The following AK5 variants were observed in gnomAD, a reference collection of about 807,000 sequenced individuals.
AK5 encodes the protein adenylate kinase isoenzyme 5.
AK5 carries 27 observed loss-of-function variants against 69.5 expected under a neutral mutation model. That is an observed-to-expected ratio of 0.39 (90% CI 0.29 to 0.54). The LOEUF is 0.54. AK5 is among the 20% of genes least tolerant of loss of function. The pLI is 0.71. For synonymous variants in AK5, 260 were observed against 244.4 expected, an observed-to-expected ratio of 1.06 and a Z score of -0.60; for missense variants, 531 against 700.4, an observed-to-expected ratio of 0.76 and a Z score of 2.73.
At chr1:77,381,090 T>A (rs968848693) in intron 6 of AK5, among the ~76,000 whole-genome samples, 1 of 152,220 alleles carries the variant, frequency 6.6e-6, no homozygotes, top group Non-Finnish European at 1.5e-5. Context: ...AATGTTTGTG[T>A]TCCCCCCCGA....
Position 77,535,841 on chromosome 1 carries a change from C to G in AK5, c.1429-6C>G, listed in dbSNP as rs894043510. 6.2e-7 allele frequency: 1 copy of G among 1,610,732 alleles called. No individual in the cohort carries two copies. The highest frequency in any genetic ancestry group is 1.3e-5 in the African/African-American group (1 of 74,778). ...TGACTGTGTTGTGCTCCACTCCCATCTCCAGATTGGAGACCCACAGTTGGT... is the reference window on the plus strand; with the variant it reads ...TGACTGTGTTGTGCTCCACTCCCATGTCCAGATTGGAGACCCACAGTTGGT... On this transcript the variant is annotated splice_region_variant and splice_polypyrimidine_tract_variant and intron_variant, in intron 12 of 13. Transcript: ENST00000354567.
intron 8 of AK5, among the ~76,000 whole-genome samples, chr1:77,420,634 A>G (rs866334525): frequency 6.6e-6 from 1 of 152,250 alleles, no homozygotes; most frequent in South Asian, 2.1e-4. Flanking sequence ...CTGACTTCCC[A>G]AGACCATAAA....
At chr1:77,335,670 G>A (rs1661311760) in intron 5 of AK5, among the ~76,000 whole-genome samples, 1 of 152,208 alleles carries the variant, frequency 6.6e-6, no homozygotes, top group Admixed American at 6.5e-5. Context: ...AATGTATGCA[G>A]GGGTTACAAG....
intron 10 of AK5, among the ~76,000 whole-genome samples, chr1:77,493,449 A>G (rs541754240): frequency 1.2e-4 from 19 of 152,210 alleles, no homozygotes; most frequent in African/African-American, 4.6e-4. Context: ...GAGTGAACCA[A>G]TTCTCATAAT....
At position 77,518,674 on chromosome 1, in the gene AK5, G is replaced by A. The variant is rs1458478875; in HGVS notation, c.1258G>A (p.Glu420Lys). The A allele has an allele frequency of 3.1e-6, 5 of 1,614,174 alleles. No homozygotes were observed. The highest frequency in any genetic ancestry group is 1.6e-4 in the Middle Eastern group (1 of 6,062). The change falls in exon 11 of 14, where the codon GAA becomes AAA. Residue 420 changes from glutamate (E) to lysine (K), a missense_variant. Coordinates refer to ENST00000354567, the MANE Select transcript of AK5 (RefSeq NM_174858.3). ...LLREELASES[E>K]RSKLIRDIME... is the part of the protein sequence containing the mutation. ...GCGTGAGGAACTGGCATCAGAATCT[G>A]AAAGAAGCAAATTGATCAGAGACAT...
chr1:77,526,539 G>A lies in AK5; in HGVS notation c.1428+4596G>A, dbSNP rs187296378. ...CGCCCAGGCTGGAGTGCCGTGGTGC[G>A]ATCTTGGCTCACTGCAAGCTCTGCC... On this transcript the variant is annotated intron_variant, in intron 12 of 13. Transcript: ENST00000354567. Among the ~76,000 whole-genome samples, 221 of 144,284 alleles carry A rather than the reference G, an allele frequency of 1.5e-3. 1 individual carries two copies. The highest frequency in any genetic ancestry group is 5.5e-3 in the African/African-American group (210 of 38,442). The allele number at this position is 144,284 out of a possible 152,430, so 94.7% of individuals were successfully genotyped here. A position where few individuals can be genotyped will look rare whatever the true frequency, so the allele number is the denominator to read the frequency against.
chr1:77,486,115 A>AAAAC (rs971726850), intron 9 of AK5, among the ~76,000 whole-genome samples, 193 bp from the exon 10 acceptor site: 1 of 152,162 alleles, frequency 6.6e-6, no homozygotes, highest in African/African-American at 2.4e-5. Context: ...ACCATCTCAA[A>AAAAC]AAACAAACAA....
chr1:77,500,431 C>T (rs976805569), intron 10 of AK5, among the ~76,000 whole-genome samples: 5 of 127,424 alleles, frequency 3.9e-5, no homozygotes, highest in African/African-American at 1.3e-4. Context: ...ATGTCACCAT[C>T]CTTCAAAGAA....
chr1:77,552,677 G>A (rs1259195700), intron 13 of AK5, among the ~76,000 whole-genome samples: 2 of 152,208 alleles, frequency 1.3e-5, no homozygotes, highest in Non-Finnish European at 2.9e-5. Context: ...TTATGTGAGT[G>A]TAACACTGGC....
chr1:77,531,825 C>T (rs1658616308), intron 12 of AK5, among the ~76,000 whole-genome samples: 1 of 120,844 alleles, frequency 8.3e-6, no homozygotes, highest in Non-Finnish European at 1.7e-5. Context: ...GTCGGGGAGG[C>T]TGGTGCCGCG....
chr1:77,300,136 G>T (rs1018142464), intron 5 of AK5, among the ~76,000 whole-genome samples: 3 of 152,172 alleles, frequency 2.0e-5, no homozygotes, highest in African/African-American at 7.2e-5. Flanking sequence ...GGGAGAGGGA[G>T]GGAAGAGAGG....
At chr1:77,432,288 T>C (rs1414130725) in intron 8 of AK5, among the ~76,000 whole-genome samples, 1 of 152,090 alleles carries the variant, frequency 6.6e-6, no homozygotes, top group Non-Finnish European at 1.5e-5. Flanking sequence ...GAAGACGTGA[T>C]TGGTGAGTAG....
intron 5 of AK5, among the ~76,000 whole-genome samples, chr1:77,333,512 T>C (rs1016116465): frequency 1.3e-5 from 2 of 152,146 alleles, no homozygotes; most frequent in Non-Finnish European, 2.9e-5. Flanking sequence ...TTTCTTACTT[T>C]TTTTGAATTA....
chr1:77,295,412 T>A (rs1286346692), intron 3 of AK5, among the ~76,000 whole-genome samples: 3 of 152,264 alleles, frequency 2.0e-5, no homozygotes, highest in Non-Finnish European at 4.4e-5. Flanking sequence ...CCTTGAATTG[T>A]TAAAAACAAA....
chr1:77,344,731 A>C (rs965249348), intron 6 of AK5, among the ~76,000 whole-genome samples: 1 of 151,644 alleles, frequency 6.6e-6, no homozygotes, highest in Non-Finnish European at 1.5e-5. Flanking sequence ...AAGTTGGAAC[A>C]CTTTTTTTCT....
At chr1:77,525,070 C>T (rs1220590829) in intron 12 of AK5, among the ~76,000 whole-genome samples, 1 of 152,120 alleles carries the variant, frequency 6.6e-6, no homozygotes, top group African/African-American at 2.4e-5. Context: ...CCACGCCTGG[C>T]TAATTTTTTT....
intron 6 of AK5, among the ~76,000 whole-genome samples, chr1:77,367,569 A>ATGT (rs1462793828): frequency 0.45 from 14,146 of 31,496 alleles, 2,831 homozygotes; most frequent in Middle Eastern, 0.6. Flanking sequence ...ATATATATAT[A>ATGT]TATATATATA....
At chr1:77,525,098 G>A (rs926521516) in intron 12 of AK5, among the ~76,000 whole-genome samples, 3 of 152,102 alleles carry the variant, frequency 2.0e-5, no homozygotes, top group Non-Finnish European at 2.9e-5. Flanking sequence ...TAGTAGAGAC[G>A]GAGTTTCACC....
chr1:77,333,864 T>C (rs1355320629), intron 5 of AK5, among the ~76,000 whole-genome samples: 1 of 152,228 alleles, frequency 6.6e-6, no homozygotes, highest in Non-Finnish European at 1.5e-5. Context: ...AAATCAGTAC[T>C]TTTACAGTGG....
Sources: allele counts gnomAD v4.1 joint callset (sites outside exome capture counted in the v4.1 genomes callset), GRCh38; gene constraint gnomAD v4.1.1; transcripts MANE v1.5; gene names NCBI Gene and HGNC (gene_info 2026-07-23, HGNC 2026-07-21).